PDLIM5: variants seen among roughly 807,000 people sequenced by gnomAD.
The protein encoded by PDLIM5 is PDZ and LIM domain 5.
In PDLIM5, 34 loss-of-function variants were observed where a neutral mutation model predicts 64.2. The ratio of observed to expected loss-of-function variants is 0.53; its 90% CI spans 0.40 to 0.71. PDLIM5 has a LOEUF of 0.71. Among genes scored for constraint, PDLIM5 ranks in the 30% least tolerant of loss-of-function variants. The pLI, the probability that PDLIM5 is intolerant of heterozygous loss-of-function variation, is 0.00. For missense variants in PDLIM5, 683 were observed against 733.6 expected (o/e 0.93, Z 0.80); for synonymous variants, 253 against 269.1 (o/e 0.94, Z 0.59).
At chr4:94,476,580 A>T (rs1725342303) in intron 2 of PDLIM5, among the ~76,000 whole-genome samples, 1 of 152,184 alleles carries the variant, frequency 6.6e-6, no homozygotes, top group Non-Finnish European at 1.5e-5. Context: ...TTTATGTAAC[A>T]GTACACCTTG....
chr4:94,586,455 T>C lies in PDLIM5; in HGVS notation c.920+11T>C. The C allele has an allele frequency of 6.7e-7, 1 of 1,487,400 alleles. No individual in the cohort carries two copies. The highest frequency in any genetic ancestry group is 9.4e-7 in the Non-Finnish European group (1 of 1,069,472). 92.1% of individuals were successfully genotyped at this position (1,487,400 alleles called of 1,614,324 possible). A position where few individuals can be genotyped will look rare whatever the true frequency, so the allele number is the denominator to read the frequency against. On this transcript the variant is annotated intron_variant, in intron 7 of 12. Coordinates refer to ENST00000317968, the MANE Select transcript of PDLIM5 (RefSeq NM_006457.5). The stretch of plus-strand genomic sequence containing the variant: ...TACAAAGAAGGCAAAGTAAGTTCTC[T>C]ATCTTTTTGACAATTGAATGTTTTC...
intron 2 of PDLIM5, among the ~76,000 whole-genome samples, chr4:94,523,234 A>G (rs1302521431): frequency 6.6e-6 from 1 of 152,220 alleles, no homozygotes; most frequent in Non-Finnish European, 1.5e-5. Flanking sequence ...AACCCTGGAT[A>G]TGAACTGGAC....
At chr4:94,513,816 AG>A (rs1376264625) in intron 2 of PDLIM5, among the ~76,000 whole-genome samples, 1 of 152,136 alleles carries the variant, frequency 6.6e-6, no homozygotes, top group African/African-American at 2.4e-5. Flanking sequence ...TTTAGAGGAA[AG>A]GTTTTCAGTT....
intron 3 of PDLIM5, among the ~76,000 whole-genome samples, chr4:94,572,718 C>T (rs906370251): frequency 6.6e-6 from 1 of 152,142 alleles, no homozygotes; most frequent in Non-Finnish European, 1.5e-5. Flanking sequence ...TGTGCTGATA[C>T]AGACACAGAT....
intron 11 of PDLIM5, among the ~76,000 whole-genome samples, chr4:94,658,386 C>T (rs1215557301): frequency 6.6e-6 from 1 of 152,202 alleles, no homozygotes; most frequent in East Asian, 1.9e-4. Context: ...AAACTCAGAA[C>T]GTTTCCTTTT....
At chr4:94,506,980 TTGGA>T (rs1454675687) in intron 2 of PDLIM5, among the ~76,000 whole-genome samples, 5 of 152,200 alleles carry the variant, frequency 3.3e-5, no homozygotes, top group African/African-American at 1.2e-4. Context: ...CCTCCTGCCT[TTGGA>T]CCTCAGACTT....
chr4:94,456,689 G>A (rs1723403215), intron 2 of PDLIM5: 1 of 1,288,176 alleles, frequency 7.8e-7, no homozygotes, highest in Non-Finnish European at 1.0e-6. Flanking sequence ...GTGGTACAGT[G>A]AATACCAAAT....
chr4:94,611,729 A>G (rs1378242874), intron 7 of PDLIM5, among the ~76,000 whole-genome samples: 1 of 152,256 alleles, frequency 6.6e-6, no homozygotes, highest in Admixed American at 6.5e-5. Context: ...TAGGCATAAT[A>G]TAAAAATAAA....
chr4:94,541,752 A>C (rs1288193647), intron 3 of PDLIM5, among the ~76,000 whole-genome samples: 1 of 152,208 alleles, frequency 6.6e-6, no homozygotes. Context: ...GGGCTGATGG[A>C]GGACACAGCT....
chr4:94,583,580 CTTAT>C (rs1735918382), intron 5 of PDLIM5, among the ~76,000 whole-genome samples: 1 of 152,096 alleles, frequency 6.6e-6, no homozygotes, highest in Non-Finnish European at 1.5e-5. Flanking sequence ...GAAATGTATG[CTTAT>C]TTCTTAATTT....
chr4:94,621,211 G>A (rs61477568), intron 8 of PDLIM5, among the ~76,000 whole-genome samples: 8,157 of 149,538 alleles, frequency 0.055, 740 homozygotes, highest in African/African-American at 0.19. Context: ...TTAGTCTAAT[G>A]TTATTAGTCT....
Position 94,640,274 on chromosome 4 carries a change from A to T in PDLIM5, c.1109-2A>T. On this transcript the variant is annotated splice_acceptor_variant, in intron 8 of 12. Coordinates refer to ENST00000317968, the MANE Select transcript of PDLIM5 (RefSeq NM_006457.5). LOFTEE classifies it high-confidence loss of function. ...TTCTGATTCTTCTGTTTTAACTCCT[A>T]GTACCTTCCACTGGAAGAATCTCAA... 1 of 1,573,626 alleles carries T rather than the reference A, an allele frequency of 6.4e-7. No homozygotes were observed.
At chr4:94,587,168 A>G in intron 7 of PDLIM5, 1 of 1,489,650 alleles carries the variant, frequency 6.7e-7, no homozygotes, top group South Asian at 1.4e-5. Context: ...TCTGTATTAA[A>G]TTTGCCTTAT....
intron 2 of PDLIM5, among the ~76,000 whole-genome samples, chr4:94,474,131 A>G (rs1725115111): frequency 6.6e-6 from 1 of 152,150 alleles, no homozygotes; most frequent in Non-Finnish European, 1.5e-5. Context: ...TTATTTAGGG[A>G]TTTGTGAAAT....
chr4:94,467,337 C>T (rs1448638897), intron 2 of PDLIM5, among the ~76,000 whole-genome samples: 3 of 140,632 alleles, frequency 2.1e-5, no homozygotes, highest in Admixed American at 7.3e-5. Context: ...TTTTTTGAGA[C>T]GGAGTCTCGC....
intron 9 of PDLIM5, 121 bp downstream of exon 9, chr4:94,640,571 TAGA>T (rs555256146): frequency 7.3e-4 from 436 of 599,370 alleles, no homozygotes; most frequent in Non-Finnish European, 9.9e-4. Flanking sequence ...CATAATCCTA[TAGA>T]GTACTAATTA....
At chr4:94,459,851 A>AC in intron 2 of PDLIM5, among the ~76,000 whole-genome samples, 1 of 152,316 alleles carries the variant, frequency 6.6e-6, no homozygotes, top group East Asian at 1.9e-4. Context: ...TCCAGTGCCT[A>AC]GTGAAGATGA....
chr4:94,654,077 G>T (rs1223053806), intron 9 of PDLIM5, among the ~76,000 whole-genome samples: 3 of 152,070 alleles, frequency 2.0e-5, no homozygotes, highest in Non-Finnish European at 4.4e-5. Context: ...TCTCATCTCT[G>T]CCTAAACCAT....
chr4:94,573,451 A>G (rs774568867), intron 4 of PDLIM5, 58 bp downstream of exon 4: 71 of 1,237,406 alleles, frequency 5.7e-5, no homozygotes, highest in Middle Eastern at 1.9e-4. Flanking sequence ...GAGCTACTGT[A>G]ATTCCCATTA....
Sources: allele counts gnomAD v4.1 joint callset (sites outside exome capture counted in the v4.1 genomes callset), GRCh38; gene constraint gnomAD v4.1.1; transcripts MANE v1.5; gene names NCBI Gene and HGNC (gene_info 2026-07-23, HGNC 2026-07-21).